CFAP77: variants seen among roughly 807,000 people sequenced by gnomAD.
CFAP77 encodes cilia and flagella associated protein 77, also known as cilia- and flagella-associated protein 77.
CFAP77 carries 25 observed loss-of-function variants against 31.1 expected under a neutral mutation model. That is an observed-to-expected ratio of 0.80 (90% confidence interval 0.59 to 1.12). The LOEUF (loss-of-function observed/expected upper bound fraction) is 1.12. Among genes scored for constraint, CFAP77 ranks in the 50% most tolerant of loss-of-function variants. CFAP77 has a pLI of 0.00. For missense variants in CFAP77, 377 were observed against 397.3 expected, an observed-to-expected ratio of 0.95 and a Z score of 0.44; for synonymous variants, 151 against 159.9, an observed-to-expected ratio of 0.94 and a Z score of 0.42.
At chr9:132,427,521 A>G (rs2131686693) in intron 1 of CFAP77, among the ~76,000 whole-genome samples, 1 of 152,282 alleles carries the variant, frequency 6.6e-6, no homozygotes, top group East Asian at 1.9e-4. Context: ...AGGCTGAGGC[A>G]CGATAATCGC....
At chr9:132,437,506 T>TTC (rs1850524297) in intron 1 of CFAP77, among the ~76,000 whole-genome samples, 1 of 139,992 alleles carries the variant, frequency 7.1e-6, no homozygotes, top group Admixed American at 7.0e-5. Flanking sequence ...CTTTTGCATT[T>TTC]TTTTTTTTTT....
intron 5 of CFAP77, among the ~76,000 whole-genome samples, chr9:132,561,657 A>C (rs1057357627): frequency 1.5e-4 from 12 of 78,212 alleles, no homozygotes; most frequent in African/African-American, 9.4e-4. Flanking sequence ...ACACACACAC[A>C]CACACCCCCT....
At position 132,565,396 on chromosome 9, in the gene CFAP77, G is replaced by A. The variant is rs1413214639; in HGVS notation, c.733-6992G>A. On this transcript the variant is annotated intron_variant, in intron 5 of 5. Transcript: ENST00000393216. The surrounding 1 kb of genome is among the most constrained non-coding windows in gnomAD (Gnocchi z 4.1). ...TGTAATCCCAGCACTTTGGGAGGCC[G>A]AGGTGAGTGGATCACCTGAGGTCAG... Among the ~76,000 whole-genome samples, 9 of 152,034 alleles carry A rather than the reference G, an allele frequency of 5.9e-5. No individual in the cohort carries two copies. The highest frequency in any genetic ancestry group is 4.6e-4 in the Admixed American group (7 of 15,254).
rs58108071 is a variant in CFAP77, at chr9:132,519,812, G to GTGGATGGA, written c.525-17761_525-17754dup. Reference sequence around the variant, plus strand: ...GATGGATGGATGGATGAATGGGTGGGTGGATGGATGGATGGATGGATGGAT... The same window carrying GTGGATGGA: ...GATGGATGGATGGATGAATGGGTGGGTGGATGGATGGATGGATGGATGGATGGATGGAT... On this transcript the variant is annotated intron_variant, in intron 3 of 5. Coordinates refer to ENST00000393216, the MANE Select transcript of CFAP77 (RefSeq NM_001282957.2). Among the ~76,000 whole-genome samples the GTGGATGGA allele has an allele frequency of 3.3e-4, 38 of 116,882 alleles. 1 individual carries two copies. Among genetic ancestry groups the GTGGATGGA allele is most frequent in the African/African-American group, 7.4e-4 (21 of 28,306 alleles). 76.7% of individuals were successfully genotyped at this position (116,882 alleles called of 152,430 possible). A position where few individuals can be genotyped will look rare whatever the true frequency, so the allele number is the denominator to read the frequency against.
intron 1 of CFAP77, among the ~76,000 whole-genome samples, chr9:132,428,844 C>T (rs1254409611): frequency 2.0e-5 from 3 of 152,080 alleles, no homozygotes; most frequent in East Asian, 3.9e-4. Context: ...CTGGCATCAC[C>T]AGGCTGCGAT....
At chr9:132,561,792 C>G (rs1032662617) in intron 5 of CFAP77, among the ~76,000 whole-genome samples, 6 of 152,186 alleles carry the variant, frequency 3.9e-5, no homozygotes, top group Non-Finnish European at 7.3e-5. Flanking sequence ...CTGTGGCTGC[C>G]TGAACCCCCC....
chr9:132,534,743 TC>T (rs1297581926), intron 3 of CFAP77, among the ~76,000 whole-genome samples: 1 of 152,116 alleles, frequency 6.6e-6, no homozygotes, highest in Non-Finnish European at 1.5e-5. Flanking sequence ...CCCAGCAACC[TC>T]CAAACTGCAC....
At position 132,438,519 on chromosome 9, in the gene CFAP77, G is replaced by GTA. The variant is rs34631762; in HGVS notation, c.195+28075_195+28076dup. On this transcript the variant is annotated intron_variant, in intron 1 of 5. Transcript: ENST00000393216. ...TCCTTTATTTGGGGGAACAGATATG[G>GTA]TATATATATATATATATATATATTT... 8.5e-3 allele frequency among the ~76,000 whole-genome samples: 994 copies of GTA among 116,606 alleles called. 11 individuals carry two copies. The highest frequency in any genetic ancestry group is 0.014 in the Admixed American group (144 of 10,510). 76.5% of individuals were successfully genotyped at this position (116,606 alleles called of 152,430 possible).
intron 1 of CFAP77, among the ~76,000 whole-genome samples, chr9:132,452,092 C>T (rs373356655): frequency 2.6e-5 from 4 of 152,108 alleles, no homozygotes; most frequent in Non-Finnish European, 4.4e-5. Flanking sequence ...TGTGAGCCAC[C>T]GCACCCAGCC....
At chr9:132,475,599 G>A (rs1330980256) in intron 1 of CFAP77, among the ~76,000 whole-genome samples, 2 of 152,154 alleles carry the variant, frequency 1.3e-5, no homozygotes, top group African/African-American at 4.8e-5. Context: ...TCGGTTAGGA[G>A]CAGGAAGAAC....
intron 3 of CFAP77, among the ~76,000 whole-genome samples, chr9:132,521,435 C>A (rs1359475728): frequency 6.6e-6 from 1 of 152,172 alleles, no homozygotes; most frequent in Non-Finnish European, 1.5e-5. Context: ...CGGTCCAGGC[C>A]TGGAGATTTG....
chr9:132,491,004 GGTGT>G (rs999800370), intron 1 of CFAP77, among the ~76,000 whole-genome samples: 6 of 151,984 alleles, frequency 3.9e-5, no homozygotes, highest in African/African-American at 1.5e-4. Flanking sequence ...AGTGAGCATG[GGTGT>G]GTGTGTGGGT....
chr9:132,552,449 A>G lies in CFAP77; in HGVS notation c.732+9402A>G, dbSNP rs1303787042. Among the ~76,000 whole-genome samples the G allele has an allele frequency of 6.6e-6, 1 of 152,158 alleles. No homozygotes were observed. The highest frequency in any genetic ancestry group is 1.5e-5 in the Non-Finnish European group (1 of 68,034). On this transcript the variant is annotated intron_variant, in intron 5 of 5. Coordinates refer to ENST00000393216, the MANE Select transcript of CFAP77 (RefSeq NM_001282957.2). The surrounding 1 kb of genome is among the most constrained non-coding windows in gnomAD (Gnocchi z 5.5). The stretch of plus-strand genomic sequence containing the variant: ...TGGCTCATGCCTGTAATCTCCCAGC[A>G]CTTTGGGAGGCCAAGGCGGGAGGAT...
At chr9:132,570,584 C>T (rs534531000) in intron 5 of CFAP77, among the ~76,000 whole-genome samples, 6 of 152,298 alleles carry the variant, frequency 3.9e-5, no homozygotes, top group Non-Finnish European at 5.9e-5. Flanking sequence ...TTTATGTAAG[C>T]ACTTGTGGGC....
chr9:132,412,122 A>G (rs1850017541), intron 1 of CFAP77, among the ~76,000 whole-genome samples: 1 of 152,162 alleles, frequency 6.6e-6, no homozygotes, highest in Non-Finnish European at 1.5e-5. Context: ...TCTAGGACCA[A>G]TTCAATCCCT....
At chr9:132,459,247 A>G (rs1373807756) in intron 1 of CFAP77, among the ~76,000 whole-genome samples, 3 of 151,750 alleles carry the variant, frequency 2.0e-5, no homozygotes, top group Non-Finnish European at 4.4e-5. Context: ...AATTTTTTGT[A>G]TTTTTAGTAG....
At position 132,545,037 on chromosome 9, in the gene CFAP77, A is replaced by C. The variant is rs1179556581; in HGVS notation, c.732+1990A>C. On this transcript the variant is annotated intron_variant, in intron 5 of 5. Coordinates refer to ENST00000393216, the MANE Select transcript of CFAP77 (RefSeq NM_001282957.2). The surrounding 1 kb of genome is among the most constrained non-coding windows in gnomAD (Gnocchi z 4.6). Reference sequence around the variant, plus strand: ...AAAGGGCTCCAGGTAACAGTGCCGCACCTGTGCTGGGAGCTCCGGTCTGTC... The same window carrying C: ...AAAGGGCTCCAGGTAACAGTGCCGCCCCTGTGCTGGGAGCTCCGGTCTGTC... Among the ~76,000 whole-genome samples the C allele has an allele frequency of 6.6e-6, 1 of 152,102 alleles. No individual in the cohort carries two copies. Among genetic ancestry groups the C allele is most frequent in the Non-Finnish European group, 1.5e-5 (1 of 68,014 alleles).
intron 1 of CFAP77, among the ~76,000 whole-genome samples, chr9:132,416,137 C>T (rs984591582): frequency 6.6e-6 from 1 of 151,898 alleles, no homozygotes; most frequent in Non-Finnish European, 1.5e-5. Flanking sequence ...GAGGGCTTTG[C>T]GGTGGTCCCT....
chr9:132,462,479 C>T (rs969741011), intron 1 of CFAP77, among the ~76,000 whole-genome samples: 1 of 152,102 alleles, frequency 6.6e-6, no homozygotes, highest in African/African-American at 2.4e-5. Context: ...GCTTCTGTGC[C>T]CCCACTCCAA....
Sources: gnomAD v4.1 joint callset for allele counts (sites outside exome capture counted in the v4.1 genomes callset) on GRCh38, gnomAD v4.1.1 for gene constraint, Gnocchi (gnomAD v3.1) non-coding constraint, MANE v1.5 for transcripts, NCBI Gene and HGNC (gene_info 2026-07-23, HGNC 2026-07-21) for gene names.